Variants in GALNTL6 observed in about 807,000 individuals in gnomAD.
The protein encoded by GALNTL6 is polypeptide N-acetylgalactosaminyltransferase-like 6.
Under a neutral mutation model 73.7 loss-of-function variants are expected in GALNTL6, and 46 were observed. The observed-to-expected ratio is 0.62, with a 90% confidence interval of 0.49 to 0.80. The LOEUF (loss-of-function observed/expected upper bound fraction) is 0.80. GALNTL6 is among the 30% of genes least tolerant of loss of function. The pLI is 0.00. For missense variants in GALNTL6, 604 were observed against 755.0 expected (o/e 0.80, Z 2.34); for synonymous variants, 259 against 263.7 (o/e 0.98, Z 0.17).
chr4:172,029,935 T>C (rs953128654), intron 2 of GALNTL6, among the ~76,000 whole-genome samples: 4 of 152,108 alleles, frequency 2.6e-5, no homozygotes, highest in Non-Finnish European at 5.9e-5. Context: ...AATTTAAATA[T>C]GGAAAAAGTG....
chr4:172,988,392 T>G (rs985879518), intron 10 of GALNTL6, among the ~76,000 whole-genome samples: 2 of 152,246 alleles, frequency 1.3e-5, no homozygotes, highest in African/African-American at 4.8e-5. Context: ...ATTCAAGGTC[T>G]GCCCTGGCTG....
intron 8 of GALNTL6, among the ~76,000 whole-genome samples, chr4:172,905,853 G>GAAC (rs1746863126): frequency 7.5e-6 from 1 of 134,052 alleles, no homozygotes; most frequent in Non-Finnish European, 1.6e-5. Flanking sequence ...CAAGAAACGG[G>GAAC]AACAAAAAAC....
At chr4:172,918,014 G>C (rs1747612470) in intron 8 of GALNTL6, among the ~76,000 whole-genome samples, 1 of 152,178 alleles carries the variant, frequency 6.6e-6, no homozygotes, top group Non-Finnish European at 1.5e-5. Flanking sequence ...GTCCATCAAT[G>C]ATAGACTGGA....
intron 5 of GALNTL6, among the ~76,000 whole-genome samples, chr4:172,714,596 A>G (rs1308956699): frequency 6.6e-6 from 1 of 152,192 alleles, no homozygotes; most frequent in Non-Finnish European, 1.5e-5. Flanking sequence ...AAAATGTACT[A>G]TAAGTTATTT....
At chr4:172,676,258 A>G (rs1732295957) in intron 5 of GALNTL6, among the ~76,000 whole-genome samples, 1 of 152,242 alleles carries the variant, frequency 6.6e-6, no homozygotes, top group Non-Finnish European at 1.5e-5. Context: ...AAGAAAGACT[A>G]CAAGGGACAC....
chr4:172,974,896 C>T (rs1750738505), intron 10 of GALNTL6, among the ~76,000 whole-genome samples: 1 of 152,196 alleles, frequency 6.6e-6, no homozygotes, highest in Non-Finnish European at 1.5e-5. Context: ...CTACTGTGGG[C>T]ACCAGGGAAC....
In GALNTL6 at chr4:172,130,074, G is replaced by T. The variant is rs372992090; in HGVS notation, c.139-99582G>T. On this transcript the variant is annotated intron_variant, in intron 2 of 12. Coordinates refer to ENST00000506823, the MANE Select transcript of GALNTL6 (RefSeq NM_001034845.3). ...AGAGGATTTTAAAGGAAAACAATGA[G>T]AATTACATCATTGTTTTGAGGTAAT... Among the ~76,000 whole-genome samples the T allele has an allele frequency of 3.0e-4, 45 of 152,108 alleles. 2 individuals are homozygous for T. In the East Asian group the frequency reaches 7.7e-3, roughly 26 times the overall value.
intron 8 of GALNTL6, among the ~76,000 whole-genome samples, chr4:172,893,856 GTC>G (rs928452391): frequency 1.3e-5 from 2 of 152,132 alleles, no homozygotes; most frequent in Non-Finnish European, 2.9e-5. Context: ...CAATTCAAAT[GTC>G]TCTGAAGGTC....
At chr4:172,026,096 T>C (rs1741564396) in intron 2 of GALNTL6, among the ~76,000 whole-genome samples, 1 of 152,032 alleles carries the variant, frequency 6.6e-6, no homozygotes, top group African/African-American at 2.4e-5. Flanking sequence ...ATTATAATGC[T>C]TTTTCTAGAT....
chr4:172,513,483 T>C (rs1454865292), intron 5 of GALNTL6, among the ~76,000 whole-genome samples: 2 of 152,192 alleles, frequency 1.3e-5, no homozygotes, highest in African/African-American at 4.8e-5. Flanking sequence ...TTTGGGGGTG[T>C]TAAAGAGCCC....
chr4:172,267,506 A>T (rs2111049331), intron 3 of GALNTL6, among the ~76,000 whole-genome samples: 1 of 152,120 alleles, frequency 6.6e-6, no homozygotes, highest in African/African-American at 2.4e-5. Context: ...TTTACATCTA[A>T]TTTTTTCTCA....
At chr4:172,162,522 G>A (rs557895860) in intron 2 of GALNTL6, among the ~76,000 whole-genome samples, 2 of 151,912 alleles carry the variant, frequency 1.3e-5, no homozygotes, top group Non-Finnish European at 2.9e-5. Flanking sequence ...AGTAATGTCA[G>A]TAGTCTAAGG....
At chr4:172,907,583 C>A (rs1175447863) in intron 8 of GALNTL6, among the ~76,000 whole-genome samples, 1 of 152,224 alleles carries the variant, frequency 6.6e-6, no homozygotes, top group Non-Finnish European at 1.5e-5. Flanking sequence ...TCCCCCTTAT[C>A]CATGTGGATA....
chr4:172,389,221 A>G (rs1360682120), intron 5 of GALNTL6, among the ~76,000 whole-genome samples: 1 of 152,022 alleles, frequency 6.6e-6, no homozygotes, highest in East Asian at 1.9e-4. Flanking sequence ...TAATTAATTT[A>G]TTAAATGTTT....
intron 10 of GALNTL6, among the ~76,000 whole-genome samples, chr4:172,991,149 TA>T (rs1751520669): frequency 6.6e-6 from 1 of 152,144 alleles, no homozygotes; most frequent in Non-Finnish European, 1.5e-5. Flanking sequence ...TCAAAAATTT[TA>T]AAAAGACTTA....
chr4:172,391,372 C>T (rs1320797587), intron 5 of GALNTL6, among the ~76,000 whole-genome samples: 1 of 152,144 alleles, frequency 6.6e-6, no homozygotes, highest in Admixed American at 6.5e-5. Flanking sequence ...TGGGGTCTTG[C>T]TCTGTTGCCC....
At chr4:172,754,101 C>A (rs538674354) in intron 5 of GALNTL6, among the ~76,000 whole-genome samples, 14 of 152,212 alleles carry the variant, frequency 9.2e-5, no homozygotes, top group Middle Eastern at 3.4e-3. Context: ...TTTCAGGCAA[C>A]GGTTGGTGGA....
At chr4:172,975,565 C>T (rs1323330615) in intron 10 of GALNTL6, among the ~76,000 whole-genome samples, 1 of 152,132 alleles carries the variant, frequency 6.6e-6, no homozygotes, top group African/African-American at 2.4e-5. Flanking sequence ...TCAGGGAGTC[C>T]CTGGTTTGAA....
At chr4:172,830,324 A>C (rs556262645) in intron 7 of GALNTL6, among the ~76,000 whole-genome samples, 2 of 152,318 alleles carry the variant, frequency 1.3e-5, no homozygotes, top group African/African-American at 4.8e-5. Flanking sequence ...TCTATTTTTA[A>C]ATTCAGAATT....
Sources: gnomAD v4.1 joint callset for allele counts (sites outside exome capture counted in the v4.1 genomes callset) on GRCh38, gnomAD v4.1.1 for gene constraint, MANE v1.5 for transcripts, NCBI Gene and HGNC (gene_info 2026-07-23, HGNC 2026-07-21) for gene names.